Variants in PAX2 observed in about 807,000 individuals in gnomAD.
The protein encoded by PAX2 is paired box protein Pax-2.
In PAX2, 9 loss-of-function variants were observed where a neutral mutation model predicts 41.7. The observed-to-expected ratio is 0.22, with a 90% CI of 0.13 to 0.38. The LOEUF (loss-of-function observed/expected upper bound fraction) is 0.38. PAX2 is among the 10% of genes least tolerant of loss of function. PAX2 has a pLI of 1.00. For synonymous variants in PAX2, 221 were observed against 212.7 expected, an observed-to-expected ratio of 1.04 and a Z score of -0.34; for missense variants, 418 against 531.6, an observed-to-expected ratio of 0.79 and a Z score of 2.10.
chr10:100,746,450 C>T, intron 1 of PAX2, 147 bp downstream of exon 1: 2 of 732,168 alleles, frequency 2.7e-6, no homozygotes, highest in Non-Finnish European at 5.0e-6. Flanking sequence ...CTTTCTCTCC[C>T]TCGCCCGGTG....
chr10:100,777,398 C>CTTTTTTT (rs56136871), intron 3 of PAX2, among the ~76,000 whole-genome samples: 1 of 121,938 alleles, frequency 8.2e-6, no homozygotes, highest in Non-Finnish European at 1.7e-5. Flanking sequence ...CGCATCTGGC[C>CTTTTTTT]TTTTTTTTTT....
chr10:100,742,079 C>T (rs1273302557), upstream of PAX2, among the ~76,000 whole-genome samples: 1 of 152,184 alleles, frequency 6.6e-6, no homozygotes, highest in African/African-American at 2.4e-5. Flanking sequence ...GGCGCCTGGG[C>T]CCCGGGTCAG....
At chr10:100,808,081 C>T (rs1847857261) in intron 6 of PAX2, among the ~76,000 whole-genome samples, 2 of 152,316 alleles carry the variant, frequency 1.3e-5, no homozygotes, top group South Asian at 2.1e-4. Context: ...GACTATTAAA[C>T]ACCAGCACAG....
intron 3 of PAX2, among the ~76,000 whole-genome samples, chr10:100,755,635 T>C (rs917218969): frequency 2.1e-4 from 32 of 152,194 alleles, no homozygotes; most frequent in African/African-American, 3.1e-4. Flanking sequence ...TGGAGGGTGG[T>C]CTCCAGTGCA....
chr10:100,792,937 C>A (rs1252942381), intron 5 of PAX2, among the ~76,000 whole-genome samples: 4 of 152,230 alleles, frequency 2.6e-5, no homozygotes, highest in African/African-American at 9.6e-5. Flanking sequence ...ATGGCCTTTA[C>A]TGTCGCTCTG....
intron 5 of PAX2, among the ~76,000 whole-genome samples, chr10:100,784,630 C>T (rs187742506): frequency 6.6e-6 from 1 of 152,326 alleles, no homozygotes; most frequent in African/African-American, 2.4e-5. Flanking sequence ...ACAATCACTG[C>T]AGTGAGTGCT....
chr10:100,758,418 G>A (rs1845716405), intron 3 of PAX2, among the ~76,000 whole-genome samples: 2 of 152,212 alleles, frequency 1.3e-5, no homozygotes, highest in South Asian at 4.1e-4. Context: ...GGGATTACAG[G>A]CGTGAGCCAC....
At chr10:100,739,789 C>G (rs776551834) in intron 1 of PAX2, among the ~76,000 whole-genome samples, 30 of 152,222 alleles carry the variant, frequency 2.0e-4, no homozygotes, top group Non-Finnish European at 4.0e-4. Context: ...TCTCCCTCGA[C>G]CACAGCCCGA....
chr10:100,778,965 G>A (rs1418219139), intron 3 of PAX2, among the ~76,000 whole-genome samples: 1 of 152,188 alleles, frequency 6.6e-6, no homozygotes, highest in African/African-American at 2.4e-5. Flanking sequence ...AGGGTCACCT[G>A]TGACCCAGCC....
Position 100,748,946 on chromosome 10 carries a change from G to A in PAX2, c.44-800G>A. On this transcript the variant is annotated intron_variant, in intron 1 of 9. Transcript: ENST00000355243. This position sits in a 1 kb window ranked among gnomAD's most constrained non-coding sequence, Gnocchi z 5.0. ...AGGCTCTGCGAGGCGCGGCAGGCAG[G>A]CGAGCCCAAGCAGCCGGCATTCTCT... 3 of 985,332 alleles carry A rather than the reference G, an allele frequency of 3.0e-6. No individual in the cohort carries two copies. The highest frequency in any genetic ancestry group is 3.6e-6 in the Non-Finnish European group (3 of 829,896). The allele number at this position is 985,332 out of a possible 1,614,324, so 61.0% of individuals were successfully genotyped here. A position where few individuals can be genotyped will look rare whatever the true frequency, so the allele number is the denominator to read the frequency against.
At position 100,809,195 on chromosome 10, in the gene PAX2, G is replaced by A. The variant is rs749287670; in HGVS notation, c.878G>A (p.Gly293Asp). ...SLSASTNPEL[G>D]SNVSGTQTYP... is the part of the protein sequence containing the mutation. ...TCTGCATCCACCAACCCTGAGCTGG[G>A]CAGCAACGTGTCAGGCACACAGACA... is the stretch of plus-strand genomic sequence containing the variant. Residue 293 changes from glycine to aspartate, a missense_variant, in exon 7 of 10, where the codon GGC becomes GAC. By Grantham distance (94) the Gly-to-Asp change is moderately conservative. This residue lies in a region of PAX2 where 310 missense variants were observed against 325.2 expected (regional missense o/e 0.95). Coordinates refer to ENST00000355243, the MANE Select transcript of PAX2 (RefSeq NM_000278.5). 1.9e-6 allele frequency: 3 copies of A among 1,614,014 alleles called. No homozygotes were observed. Among genetic ancestry groups the A allele is most frequent in the Non-Finnish European group, 2.5e-6 (3 of 1,179,942 alleles).
chr10:100,763,037 A>G (rs1038771953), intron 3 of PAX2, among the ~76,000 whole-genome samples: 3 of 152,232 alleles, frequency 2.0e-5, no homozygotes, highest in Non-Finnish European at 4.4e-5. Context: ...TGTGAGCTGG[A>G]TCCACCTTCT....
chr10:100,767,329 C>G (rs1022083948), intron 3 of PAX2, among the ~76,000 whole-genome samples: 20 of 152,180 alleles, frequency 1.3e-4, no homozygotes, highest in Admixed American at 1.3e-3. Context: ...AGCAGGTGGA[C>G]GTGTCCAGAC....
chr10:100,749,017 A>T (rs932770761), intron 1 of PAX2: 17 of 985,350 alleles, frequency 1.7e-5, no homozygotes, highest in Non-Finnish European at 1.9e-5. Context: ...TGAGCGCAGC[A>T]GACCCCGGGC....
intron 5 of PAX2, among the ~76,000 whole-genome samples, chr10:100,794,245 A>G (rs954033230): frequency 6.6e-6 from 1 of 152,264 alleles, no homozygotes; most frequent in African/African-American, 2.4e-5. Flanking sequence ...ATACCAAGTC[A>G]TGCGGGTTGA....
At chr10:100,765,060 A>G (rs57346201) in intron 3 of PAX2, among the ~76,000 whole-genome samples, 12,337 of 152,192 alleles carry the variant, frequency 0.081, 1,433 homozygotes, top group African/African-American at 0.26. Flanking sequence ...GCATGTCTGG[A>G]TATTCTAAGG....
At chr10:100,811,776 G>C (rs1337994329) in intron 7 of PAX2, among the ~76,000 whole-genome samples, 1 of 152,208 alleles carries the variant, frequency 6.6e-6, no homozygotes, top group Non-Finnish European at 1.5e-5. Context: ...AGGTCACCCA[G>C]TGCCCATAGC....
Position 100,760,532 on chromosome 10 carries a change from C to A in PAX2, c.410+9641C>A, listed in dbSNP as rs185867112. Among the ~76,000 whole-genome samples, 20 of 152,244 alleles carry A rather than the reference C, an allele frequency of 1.3e-4. No individual in the cohort carries two copies. The East Asian group carries it at 3.7e-3, about 28-fold the overall frequency. ...GCATTTGCTCTGCTGGATGAGTGAACCAAGCCATGTGTGATGGCCAGGGTG... is the reference window on the plus strand; with the variant it reads ...GCATTTGCTCTGCTGGATGAGTGAAACAAGCCATGTGTGATGGCCAGGGTG... On this transcript the variant is annotated intron_variant, in intron 3 of 9. Transcript: ENST00000355243.
At chr10:100,746,383 C>G (rs1845175460) in intron 1 of PAX2, 80 bp downstream of exon 1, 4 of 1,007,232 alleles carry the variant, frequency 4.0e-6, no homozygotes, top group Non-Finnish European at 6.4e-6. Context: ...GGCCCCGGCC[C>G]CTCGCGCTCA....
Sources: allele counts gnomAD v4.1 joint callset (sites outside exome capture counted in the v4.1 genomes callset), GRCh38; gene constraint gnomAD v4.1.1; regional missense constraint gnomAD v4.1.1; non-coding constraint Gnocchi (gnomAD v3.1); transcripts MANE v1.5; gene names NCBI Gene and HGNC (gene_info 2026-07-23, HGNC 2026-07-21).